The following ANKRD13A variants were observed in gnomAD, a reference collection of about 807,000 sequenced individuals.
The protein encoded by ANKRD13A is ankyrin repeat domain 13A, also known as ankyrin repeat domain-containing protein 13A.
ANKRD13A carries 48 observed loss-of-function variants against 81.3 expected under a neutral mutation model. The ratio of observed to expected loss-of-function variants is 0.59; its 90% CI spans 0.47 to 0.75. The LOEUF (loss-of-function observed/expected upper bound fraction) is 0.75, where lower values mean the gene tolerates loss of function less well. ANKRD13A is among the 30% of genes least tolerant of loss of function. ANKRD13A has a pLI of 0.00. For missense variants in ANKRD13A, 612 were observed against 734.0 expected (o/e 0.83, Z 1.92); for synonymous variants, 230 against 270.1 (o/e 0.85, Z 1.45).
chr12:110,020,736 T>C (rs1401051253), intron 6 of ANKRD13A, among the ~76,000 whole-genome samples: 3 of 152,244 alleles, frequency 2.0e-5, no homozygotes, highest in Non-Finnish European at 4.4e-5. Context: ...AAGCTGCCTT[T>C]TCTGCCACTG....
chr12:110,021,108 G>A, intron 6 of ANKRD13A: 2 of 456,744 alleles, frequency 4.4e-6, no homozygotes, highest in South Asian at 3.1e-5. Context: ...GTGCCCACAG[G>A]GTTTTCAGAG....
intron 1 of ANKRD13A, among the ~76,000 whole-genome samples, chr12:110,003,795 G>A (rs1011734908): frequency 2.6e-5 from 4 of 152,148 alleles, no homozygotes; most frequent in Admixed American, 6.5e-5. Flanking sequence ...GGCTGAGGTG[G>A]GGTCAGTGCT....
rs535513547 is a variant in ANKRD13A, at chr12:110,013,741, G to A, written c.354+492G>A. On this transcript the variant is annotated intron_variant, in intron 3 of 14. Transcript: ENST00000261739. ...AGCCACCCCTGAGTGAGGGTGCAGT[G>A]ATCGCACCCCTGCACTCCAGTCTGG... 3.3e-5 allele frequency among the ~76,000 whole-genome samples: 5 copies of A among 152,180 alleles called. No individual in the cohort carries two copies. The East Asian group carries it at 9.7e-4, about 29-fold the overall frequency.
intron 13 of ANKRD13A, among the ~76,000 whole-genome samples, chr12:110,035,402 T>C (rs2137189032): frequency 6.6e-6 from 1 of 152,110 alleles, no homozygotes; most frequent in South Asian, 2.1e-4. Context: ...CCCAGGAGTC[T>C]GAGACCAGCC....
chr12:110,031,975 C>A (rs1041996291), intron 12 of ANKRD13A, among the ~76,000 whole-genome samples: 3 of 151,600 alleles, frequency 2.0e-5, no homozygotes, highest in Non-Finnish European at 4.4e-5. Context: ...CTTAGAATTT[C>A]TTACATATAT....
At chr12:110,003,859 TA>T (rs909030224) in intron 1 of ANKRD13A, among the ~76,000 whole-genome samples, 3 of 151,634 alleles carry the variant, frequency 2.0e-5, no homozygotes, top group Non-Finnish European at 4.4e-5. Context: ...TCCGTCTCCT[TA>T]AAAAAAAATT....
chr12:110,019,252 A>G lies in ANKRD13A; in HGVS notation c.658A>G (p.Ser220Gly), dbSNP rs372209477. ...RLTLDLMKPK[S>G]REVERRLTSP... Reference sequence around the variant, plus strand: ...CACTCTGGACTTGATGAAGCCAAAAAGCAGGGAAGTTGAGCGGCGGCTCAC... The same window carrying G: ...CACTCTGGACTTGATGAAGCCAAAAGGCAGGGAAGTTGAGCGGCGGCTCAC... Residue 220 changes from serine to glycine, a missense_variant, in exon 6 of 15, where the codon AGC (serine) becomes GGC (glycine). Coordinates refer to ENST00000261739, the MANE Select transcript of ANKRD13A (RefSeq NM_033121.2). The G allele has an allele frequency of 1.5e-4, 243 of 1,614,082 alleles. No homozygotes were observed. Among genetic ancestry groups the G allele is most frequent in the Non-Finnish European group, 2.0e-4 (235 of 1,180,008 alleles).
rs553453027 is a variant in ANKRD13A at position 110,028,559 on chromosome 12, G to A, written c.993G>A (p.Thr331=). 3 of 1,614,150 alleles carry A rather than the reference G, an allele frequency of 1.9e-6. No individual in the cohort carries two copies. Among genetic ancestry groups the A allele is most frequent in the South Asian group, 1.1e-5 (1 of 91,078 alleles). The change falls in exon 10 of 15, where the codon ACG becomes ACA. Residue 331 remains threonine, a synonymous_variant. Transcript: ENST00000261739. ...CTGCAAACAACCCCACAGCCATCACGCCTGATGAGTACTTCAATGAAGAGT... is the reference window on the plus strand; with the variant it reads ...CTGCAAACAACCCCACAGCCATCACACCTGATGAGTACTTCAATGAAGAGT... ...CATANNPTAI[T]PDEYFNEEFD...
At chr12:110,015,677 G>A (rs1336391468) in intron 3 of ANKRD13A, among the ~76,000 whole-genome samples, 1 of 152,058 alleles carries the variant, frequency 6.6e-6, no homozygotes, top group East Asian at 1.9e-4. Context: ...CTCCCCAGTA[G>A]CTAGGATTAC....
Position 110,036,108 on chromosome 12 carries a change from G to A in ANKRD13A, c.1510-153G>A. The stretch of plus-strand genomic sequence containing the variant: ...CTCCCACTTAGGTGTTGTTTTTGAG[G>A]TAACCCAAGTCCCTGTTAGCTTTTC... On this transcript the variant is annotated intron_variant, in intron 13 of 14. Transcript: ENST00000261739. This position sits in a 1 kb window ranked among gnomAD's most constrained non-coding sequence, Gnocchi z 4.6. 1 of 680,312 alleles carries A rather than the reference G, an allele frequency of 1.5e-6. No homozygotes were observed. The highest frequency in any genetic ancestry group is 2.6e-6 in the Non-Finnish European group (1 of 380,620). 42.1% of individuals were successfully genotyped at this position (680,312 alleles called of 1,614,324 possible).
chr12:110,016,416 G>T lies in ANKRD13A; in HGVS notation c.383G>T (p.Trp128Leu). The T allele has an allele frequency of 6.3e-7, 1 of 1,594,270 alleles. No individual in the cohort carries two copies. Among genetic ancestry groups the T allele is most frequent in the Non-Finnish European group, 8.6e-7 (1 of 1,166,410 alleles). ...CCGGATTTCTATGTGCAGATGAAAT[G>T]GGAATTCACCAGCTGGGGTGAGTGG... is the stretch of plus-strand genomic sequence containing the variant. ...EAPDFYVQMK[W>L]EFTSWVPLVS... Residue 128 changes from tryptophan to leucine, a missense_variant, in exon 4 of 15, where the codon TGG becomes TTG. Transcript: ENST00000261739.
chr12:110,000,348 T>TAGGTCTGGG (rs1593191098), intron 1 of ANKRD13A, among the ~76,000 whole-genome samples: 1 of 152,284 alleles, frequency 6.6e-6, no homozygotes, highest in East Asian at 1.9e-4. Flanking sequence ...CTTGACTCTA[T>TAGGTCTGGG]TGATAGGTCT....
intron 9 of ANKRD13A, 128 bp from the exon 10 acceptor site, chr12:110,028,384 A>G: frequency 9.6e-7 from 1 of 1,045,636 alleles, no homozygotes; most frequent in Non-Finnish European, 1.4e-6. Flanking sequence ...TCCATGCAAA[A>G]AAGTTAGTGA....
rs1471315621 is a variant in ANKRD13A, at chr12:110,038,200, G to T, written c.*646G>T. ...TTGCATCAAATTAAGATACACAAATGGCCATGGATGTTGCCTTAGCCTTAA... is the reference window on the plus strand; with the variant it reads ...TTGCATCAAATTAAGATACACAAATTGCCATGGATGTTGCCTTAGCCTTAA... On this transcript the variant is annotated 3_prime_UTR_variant, in exon 15 of 15. Coordinates refer to ENST00000261739, the MANE Select transcript of ANKRD13A (RefSeq NM_033121.2). 6.6e-6 allele frequency: 1 copy of T among 152,638 alleles called. No homozygotes were observed. Among genetic ancestry groups the T allele is most frequent in the African/African-American group, 2.4e-5 (1 of 41,444 alleles). The allele number at this position is 152,638 out of a possible 1,614,324, so 9.5% of individuals were successfully genotyped here. A position where few individuals can be genotyped will look rare whatever the true frequency, so the allele number is the denominator to read the frequency against.
At chr12:110,017,736 C>G (rs1890864502) in intron 4 of ANKRD13A, among the ~76,000 whole-genome samples, 1 of 152,042 alleles carries the variant, frequency 6.6e-6, no homozygotes, top group Non-Finnish European at 1.5e-5. Context: ...AGTTGAAGAC[C>G]AGCCTGGCCA....
At chr12:110,015,309 C>A (rs1336270710) in intron 3 of ANKRD13A, among the ~76,000 whole-genome samples, 1 of 152,184 alleles carries the variant, frequency 6.6e-6, no homozygotes, top group African/African-American at 2.4e-5. Flanking sequence ...CAGAGTAGTT[C>A]AATAAATAGG....
At position 110,039,222 on chromosome 12, in the gene ANKRD13A, A is replaced by G. The variant is rs1892233708; in HGVS notation, c.*1668A>G. ...GATACTTCTTGGAATGGCTGCAGTG[A>G]GGCCGTGTCATTGGCTCACAAAAGT... On this transcript the variant is annotated 3_prime_UTR_variant, in exon 15 of 15. Transcript: ENST00000261739. The G allele has an allele frequency of 6.6e-6, 1 of 152,194 alleles. No individual in the cohort carries two copies. The highest frequency in any genetic ancestry group is 1.5e-5 in the Non-Finnish European group (1 of 68,044). 9.4% of individuals were successfully genotyped at this position (152,194 alleles called of 1,614,324 possible).
At position 110,019,092 on chromosome 12, in the gene ANKRD13A, C is replaced by T. The variant is rs772729715; in HGVS notation, c.545-47C>T. 12 of 1,511,254 alleles carry T rather than the reference C, an allele frequency of 7.9e-6. No individual in the cohort carries two copies. The South Asian group carries it at 1.6e-4, about 20-fold the overall frequency. The allele number at this position is 1,511,254 out of a possible 1,614,324, so 93.6% of individuals were successfully genotyped here. On this transcript the variant is annotated intron_variant, in intron 5 of 14. Transcript: ENST00000261739. ...AACATACGAAGCTTCCTTGTTTTTGCATCTTCCCTACTTTGCACTTAGTTA... is the reference window on the plus strand; with the variant it reads ...AACATACGAAGCTTCCTTGTTTTTGTATCTTCCCTACTTTGCACTTAGTTA...
At chr12:110,029,256 C>T (rs945354057) in intron 10 of ANKRD13A, 2 of 421,524 alleles carry the variant, frequency 4.7e-6, no homozygotes, top group South Asian at 4.9e-5. Flanking sequence ...AGGCTTTGAT[C>T]GTGGCAGGTT....
Sources: gnomAD v4.1 joint callset for allele counts (sites outside exome capture counted in the v4.1 genomes callset) on GRCh38, gnomAD v4.1.1 for gene constraint, Gnocchi (gnomAD v3.1) non-coding constraint, MANE v1.5 for transcripts, NCBI Gene and HGNC (gene_info 2026-07-23, HGNC 2026-07-21) for gene names.